The following CREB1 variants were observed in gnomAD, a reference collection of about 807,000 sequenced individuals.
CREB1 encodes cyclic AMP-responsive element-binding protein 1.
In CREB1, 2 loss-of-function variants were observed where a neutral mutation model predicts 42.0. The ratio of observed to expected loss-of-function variants is 0.05; its 90% CI spans 0.02 to 0.15. The LOEUF is 0.15. Among genes scored for constraint, CREB1 ranks in the 10% least tolerant of loss-of-function variants. The probability of loss-of-function intolerance (pLI) is 1.00; values close to 1 mark genes in which losing one functional copy is unlikely to be tolerated. For missense variants in CREB1, 199 were observed against 388.9 expected (o/e 0.51, Z 4.11); for synonymous variants, 123 against 139.9 (o/e 0.88, Z 0.85).
intron 7 of CREB1, among the ~76,000 whole-genome samples, chr2:207,587,780 TAG>T (rs1376557919): frequency 6.6e-6 from 1 of 152,150 alleles, no homozygotes; most frequent in Non-Finnish European, 1.5e-5. Flanking sequence ...TTGTGGGTAT[TAG>T]AGCCTGGGAA....
intron 7 of CREB1, among the ~76,000 whole-genome samples, chr2:207,594,104 G>A (rs908462790): frequency 2.0e-4 from 30 of 152,204 alleles, no homozygotes; most frequent in Admixed American, 2.0e-3. Context: ...ATAAGATTGT[G>A]GCCCTTGACC....
chr2:207,563,539 T>G (rs943108778), intron 3 of CREB1, among the ~76,000 whole-genome samples: 2 of 152,204 alleles, frequency 1.3e-5, no homozygotes, highest in African/African-American at 4.8e-5. Context: ...ATACCTCAAA[T>G]GCACCTAGTT....
Position 207,599,831 on chromosome 2 carries a change from TTTTCTC to T in CREB1, c.*2777_*2782del, listed in dbSNP as rs1217991844. ...TGGCCACATTACCAGTAATAAATGT[TTTTCTC>T]TTTATATTGGCCAAAAGGGAATAAA... is the stretch of plus-strand genomic sequence containing the variant. On this transcript the variant is annotated 3_prime_UTR_variant, in exon 8 of 8. Coordinates refer to ENST00000353267, the MANE Select transcript of CREB1 (RefSeq NM_004379.5). 4.1e-5 allele frequency: 8 copies of T among 195,442 alleles called. No individual in the cohort carries two copies. Among genetic ancestry groups the T allele is most frequent in the African/African-American group, 1.9e-4 (8 of 43,220 alleles). 12.1% of individuals were successfully genotyped at this position (195,442 alleles called of 1,614,324 possible).
intron 1 of CREB1, among the ~76,000 whole-genome samples, chr2:207,538,516 G>GA (rs1215185727): frequency 1.3e-5 from 2 of 151,810 alleles, no homozygotes; most frequent in Non-Finnish European, 2.9e-5. Context: ...GAACAAAGAT[G>GA]AAAAACACCC....
chr2:207,541,616 C>A lies in CREB1; in HGVS notation c.-9+11482C>A, dbSNP rs116546374. 2.8e-4 allele frequency among the ~76,000 whole-genome samples: 43 copies of A among 152,282 alleles called. 1 individual carries two copies. The highest frequency in any genetic ancestry group is 1.0e-3 in the African/African-American group (42 of 41,544). On this transcript the variant is annotated intron_variant, in intron 1 of 7. Transcript: ENST00000353267. The stretch of plus-strand genomic sequence containing the variant: ...TGCATTTCTCAGAACATATTACCAT[C>A]AAGTGACACATGACTGTATATGTAT...
intron 3 of CREB1, among the ~76,000 whole-genome samples, chr2:207,564,461 A>C (rs1046711982): frequency 2.0e-5 from 3 of 151,906 alleles, no homozygotes; most frequent in Non-Finnish European, 4.4e-5. Context: ...GTGGGCTGTG[A>C]TCGCACCACT....
intron 3 of CREB1, 37 bp downstream of exon 3, chr2:207,560,409 C>G: frequency 6.3e-7 from 1 of 1,591,960 alleles, no homozygotes; most frequent in Non-Finnish European, 8.6e-7. Flanking sequence ...ATTTTAATAA[C>G]TTTTGTTTAT....
chr2:207,584,627 C>G (rs2083491406), intron 7 of CREB1, among the ~76,000 whole-genome samples: 1 of 152,178 alleles, frequency 6.6e-6, no homozygotes, highest in Admixed American at 6.5e-5. Context: ...GTTTTGAACT[C>G]CTGACCTCAG....
chr2:207,571,105 C>G (rs903777813), intron 5 of CREB1, among the ~76,000 whole-genome samples: 1 of 144,820 alleles, frequency 6.9e-6, no homozygotes, highest in African/African-American at 2.5e-5. Context: ...TGGTGCTGCC[C>G]ATTTATACCC....
chr2:207,555,389 A>G (rs1339591232), intron 1 of CREB1, among the ~76,000 whole-genome samples: 1 of 152,208 alleles, frequency 6.6e-6, no homozygotes, highest in East Asian at 1.9e-4. Context: ...CATTGGGAAG[A>G]AACAGCCAAG....
rs374179371 is a variant in CREB1 at position 207,558,707 on chromosome 2, C to T, written c.115-1519C>T. ...TTGCCCAGGCTGGAGTGCAATGGCG[C>T]GATCTCGGCTCACTGCAACCTCTGC... is the stretch of plus-strand genomic sequence containing the variant. On this transcript the variant is annotated intron_variant, in intron 2 of 7. Transcript: ENST00000353267. 2.2e-4 allele frequency among the ~76,000 whole-genome samples: 33 copies of T among 150,034 alleles called. 1 individual carries two copies. Among genetic ancestry groups the T allele is most frequent in the African/African-American group, 7.1e-4 (29 of 40,682 alleles).
chr2:207,578,210 ATAC>A (rs2082669090), intron 7 of CREB1: 2 of 152,742 alleles, frequency 1.3e-5, no homozygotes, highest in African/African-American at 4.8e-5. Context: ...CTTCAAAAAA[ATAC>A]TACATTCAAA....
rs139178698 is a variant in CREB1, at chr2:207,545,764, G to A, written c.-8-9864G>A. 3.3e-3 allele frequency among the ~76,000 whole-genome samples: 477 copies of A among 145,728 alleles called. 3 individuals are homozygous for A. Among genetic ancestry groups the A allele is most frequent in the East Asian group, 0.03 (149 of 4,964 alleles). ...TTTTTTTTTTGTGAGATGGAGTTTC[G>A]CTCTTTCTGCCCAGGCTAGAGTGCA... On this transcript the variant is annotated intron_variant, in intron 1 of 7. Transcript: ENST00000353267.
intron 4 of CREB1, 42 bp downstream of exon 4, chr2:207,567,605 C>T (rs2082187825): frequency 7.1e-7 from 1 of 1,399,976 alleles, no homozygotes; most frequent in South Asian, 1.2e-5. Context: ...TGGAGGAAGT[C>T]TTAGGTAGTT....
chr2:207,594,869 C>T (rs763317167), intron 7 of CREB1, among the ~76,000 whole-genome samples: 6 of 152,082 alleles, frequency 3.9e-5, no homozygotes, highest in Non-Finnish European at 8.8e-5. Flanking sequence ...TCCTCACATC[C>T]TCATCAACAA....
At chr2:207,572,598 C>T (rs2082411646) in intron 5 of CREB1, among the ~76,000 whole-genome samples, 1 of 152,092 alleles carries the variant, frequency 6.6e-6, no homozygotes, top group Admixed American at 6.6e-5. Context: ...CATAAATATC[C>T]TAAGAGTGGA....
At chr2:207,561,835 G>C (rs2106490348) in intron 3 of CREB1, among the ~76,000 whole-genome samples, 1 of 152,230 alleles carries the variant, frequency 6.6e-6, no homozygotes, top group South Asian at 2.1e-4. Flanking sequence ...AGTAGAATTT[G>C]TCAGCCATTT....
At chr2:207,583,401 T>G (rs1013168130) in intron 7 of CREB1, among the ~76,000 whole-genome samples, 1 of 152,228 alleles carries the variant, frequency 6.6e-6, no homozygotes, top group Non-Finnish European at 1.5e-5. Flanking sequence ...GGCTTATATG[T>G]TTGTTTAAAT....
intron 7 of CREB1, among the ~76,000 whole-genome samples, chr2:207,593,799 A>G (rs931120961): frequency 1.3e-5 from 2 of 150,018 alleles, no homozygotes; most frequent in African/African-American, 2.5e-5. Context: ...GCTCACTGCA[A>G]TCTCTGCCTC....
Sources: gnomAD v4.1 joint callset for allele counts (sites outside exome capture counted in the v4.1 genomes callset) on GRCh38, gnomAD v4.1.1 for gene constraint, MANE v1.5 for transcripts, NCBI Gene and HGNC (gene_info 2026-07-23, HGNC 2026-07-21) for gene names.